The following DMRT1 variants were observed in gnomAD, a reference collection of about 807,000 sequenced individuals.
DMRT1 encodes the protein doublesex- and mab-3-related transcription factor 1.
In DMRT1, 7 loss-of-function variants were observed where a neutral mutation model predicts 32.3. That is an observed-to-expected ratio of 0.22 (90% CI 0.12 to 0.41). The LOEUF is 0.41. Among genes scored for constraint, DMRT1 ranks in the 10% least tolerant of loss-of-function variants. The pLI, the probability that DMRT1 is intolerant of heterozygous loss-of-function variation, is 1.00. For missense variants in DMRT1, 625 were observed against 500.5 expected, an observed-to-expected ratio of 1.25 and a Z score of -2.37; for synonymous variants, 278 against 206.1, an observed-to-expected ratio of 1.35 and a Z score of -2.99.
chr9:962,234 C>G (rs542335937), intron 4 of DMRT1, among the ~76,000 whole-genome samples: 3 of 152,134 alleles, frequency 2.0e-5, no homozygotes, highest in Non-Finnish European at 4.4e-5. Context: ...CACGCTTGCT[C>G]ACCTCTGAGA....
In DMRT1 at chr9:881,973, C is replaced by T. The variant is rs553880976; in HGVS notation, c.539-11939C>T. On this transcript the variant is annotated intron_variant, in intron 2 of 4. Transcript: ENST00000382276. ...AGAAATCTCTGTCTTGGCCGTGAGACAGGCTTTCATGGCCATGAGACATTG... is the reference window on the plus strand; with the variant it reads ...AGAAATCTCTGTCTTGGCCGTGAGATAGGCTTTCATGGCCATGAGACATTG... 1.2e-3 allele frequency among the ~76,000 whole-genome samples: 181 copies of T among 152,342 alleles called. 2 individuals carry two copies. The highest frequency in any genetic ancestry group is 4.1e-3 in the African/African-American group (169 of 41,578).
chr9:885,955 G>C (rs562791364), intron 2 of DMRT1, among the ~76,000 whole-genome samples: 3 of 152,258 alleles, frequency 2.0e-5, no homozygotes, highest in East Asian at 1.9e-4. Context: ...ACATTCTCTT[G>C]AAAACAATGC....
chr9:931,989 T>TA (rs1378709233), intron 4 of DMRT1, among the ~76,000 whole-genome samples: 2 of 152,170 alleles, frequency 1.3e-5, no homozygotes, highest in African/African-American at 4.8e-5. Context: ...GCTGATCACT[T>TA]ACCTTCCTAA....
intron 4 of DMRT1, among the ~76,000 whole-genome samples, chr9:941,651 G>C (rs1425474552): frequency 6.6e-6 from 1 of 151,986 alleles, no homozygotes; most frequent in Non-Finnish European, 1.5e-5. Context: ...GAACTTAATT[G>C]CTATTGAACT....
At chr9:850,396 A>C (rs965507474) in intron 2 of DMRT1, among the ~76,000 whole-genome samples, 3 of 152,370 alleles carry the variant, frequency 2.0e-5, no homozygotes, top group Middle Eastern at 3.4e-3. Context: ...CTTCTTAGAT[A>C]GCTTCCTACT....
At chr9:885,773 G>T (rs550449636) in intron 2 of DMRT1, among the ~76,000 whole-genome samples, 1 of 152,282 alleles carries the variant, frequency 6.6e-6, no homozygotes, top group South Asian at 2.1e-4. Context: ...TGGAGCCTTC[G>T]CAAGGGACCA....
At chr9:844,688 A>C (rs1838824574) in intron 1 of DMRT1, among the ~76,000 whole-genome samples, 1 of 150,062 alleles carries the variant, frequency 6.7e-6, no homozygotes, top group Admixed American at 6.6e-5. Context: ...AAAACAACAT[A>C]TAAATTGTAG....
intron 2 of DMRT1, among the ~76,000 whole-genome samples, chr9:849,912 C>A (rs1359831353): frequency 6.6e-6 from 1 of 152,170 alleles, no homozygotes; most frequent in Admixed American, 6.5e-5. Flanking sequence ...CAACCTCTGC[C>A]TCCCAGGTTC....
chr9:853,533 T>C (rs1815255970), intron 2 of DMRT1, among the ~76,000 whole-genome samples: 3 of 149,558 alleles, frequency 2.0e-5, no homozygotes, highest in Non-Finnish European at 4.5e-5. Flanking sequence ...GGTGTAGTGG[T>C]GTGATCTCGG....
chr9:847,193 C>A (rs944804235), intron 2 of DMRT1, 50 bp downstream of exon 2: 1 of 1,588,076 alleles, frequency 6.3e-7, no homozygotes, highest in South Asian at 1.1e-5. Context: ...TGAGGGAGGC[C>A]GAAGGGTTGC....
At chr9:879,499 C>G (rs930651787) in intron 2 of DMRT1, among the ~76,000 whole-genome samples, 2 of 152,012 alleles carry the variant, frequency 1.3e-5, no homozygotes, top group African/African-American at 4.8e-5. Flanking sequence ...GGCTGTTGTT[C>G]TAATGGAAAT....
At chr9:901,073 A>G (rs1817554946) in intron 3 of DMRT1, among the ~76,000 whole-genome samples, 1 of 151,886 alleles carries the variant, frequency 6.6e-6, no homozygotes, top group Non-Finnish European at 1.5e-5. Flanking sequence ...AGAGTGCAGC[A>G]GCATGATCTC....
chr9:910,687 G>C (rs896334033), intron 3 of DMRT1, among the ~76,000 whole-genome samples: 4 of 152,112 alleles, frequency 2.6e-5, no homozygotes, highest in South Asian at 2.1e-4. Context: ...CCAAGGTCTT[G>C]GGTTGCCTGC....
At chr9:967,879 C>T in intron 4 of DMRT1, 106 bp from the exon 5 acceptor site, 1 of 1,090,024 alleles carries the variant, frequency 9.2e-7, no homozygotes, top group Admixed American at 2.0e-5. Context: ...GAGAGCGTCA[C>T]TTTCTTTGTT....
intron 2 of DMRT1, among the ~76,000 whole-genome samples, chr9:873,429 C>T (rs1816360493): frequency 6.6e-6 from 1 of 151,976 alleles, no homozygotes; most frequent in South Asian, 2.1e-4. Context: ...CCTCAGACTC[C>T]TGAGTAGCTG....
At chr9:855,538 TG>T (rs1408899930) in intron 2 of DMRT1, among the ~76,000 whole-genome samples, 2 of 152,262 alleles carry the variant, frequency 1.3e-5, no homozygotes, top group African/African-American at 4.8e-5. Context: ...GTAAGTGATC[TG>T]AACCCACCTG....
intron 4 of DMRT1, among the ~76,000 whole-genome samples, chr9:940,618 G>C (rs574870000): frequency 6.6e-6 from 1 of 152,120 alleles, no homozygotes; most frequent in Non-Finnish European, 1.5e-5. Context: ...CAGAGGAAAA[G>C]CTTCATTACA....
At chr9:867,257 T>C (rs1178931107) in intron 2 of DMRT1, among the ~76,000 whole-genome samples, 1 of 152,176 alleles carries the variant, frequency 6.6e-6, no homozygotes, top group Admixed American at 6.6e-5. Context: ...TTAGTTTGTG[T>C]TTCCAGGATG....
chr9:931,542 C>A (rs918638485), intron 4 of DMRT1, among the ~76,000 whole-genome samples: 2 of 152,156 alleles, frequency 1.3e-5, no homozygotes, highest in Non-Finnish European at 2.9e-5. Context: ...AATTTATTTT[C>A]TTATAGTCTG....
Sources: gnomAD v4.1 joint callset for allele counts (sites outside exome capture counted in the v4.1 genomes callset) on GRCh38, gnomAD v4.1.1 for gene constraint, MANE v1.5 for transcripts, NCBI Gene and HGNC (gene_info 2026-07-23, HGNC 2026-07-21) for gene names.